Variants in SGK1 observed in about 807,000 individuals in gnomAD.
SGK1 encodes the protein serum/glucocorticoid regulated kinase 1.
Under a neutral mutation model 64.2 loss-of-function variants are expected in SGK1, and 26 were observed. The ratio of observed to expected loss-of-function variants is 0.40; its 90% CI spans 0.30 to 0.56. The LOEUF (loss-of-function observed/expected upper bound fraction) is 0.56. Ranked by LOEUF, SGK1 falls within the 20% of genes least tolerant of loss-of-function variation. The pLI is 0.38. For missense variants in SGK1, 519 were observed against 645.6 expected, an observed-to-expected ratio of 0.80 and a Z score of 2.12; for synonymous variants, 265 against 239.7, an observed-to-expected ratio of 1.11 and a Z score of -0.98.
chr6:134,249,111 C>A (rs748690110), intron 2 of SGK1, among the ~76,000 whole-genome samples: 1 of 152,118 alleles, frequency 6.6e-6, no homozygotes, highest in Non-Finnish European at 1.5e-5. Context: ...GCGTATTGTA[C>A]GAAATCTCAA....
At position 134,171,003 on chromosome 6, in the gene SGK1, G is replaced by A. The variant is rs2114628591; in HGVS notation, c.1323+20C>T. The A allele has an allele frequency of 6.2e-7, 1 of 1,613,904 alleles. No individual in the cohort carries two copies. Among genetic ancestry groups the A allele is most frequent in the Non-Finnish European group, 8.5e-7 (1 of 1,179,822 alleles). ...GTGCACGTCCCGGCCGGCCCAGGAG[G>A]ACAGGAAAACATCACTCACGAAGTC... On this transcript the variant is annotated intron_variant, in intron 12 of 13. Coordinates refer to ENST00000367858, the MANE Select transcript of SGK1 (RefSeq NM_001143676.3).
intron 1 of SGK1, among the ~76,000 whole-genome samples, chr6:134,292,541 C>T (rs1175147188): frequency 6.6e-6 from 1 of 151,604 alleles, no homozygotes; most frequent in African/African-American, 2.4e-5. Flanking sequence ...TGCAGTGAGC[C>T]GAGATTGCGC....
chr6:134,191,834 G>GTTTTTTTTTTTTTTTTTTTTTT (rs1491153978), intron 3 of SGK1, among the ~76,000 whole-genome samples: 2 of 17,318 alleles, frequency 1.2e-4, no homozygotes, highest in African/African-American at 1.7e-4. Flanking sequence ...ACGCCCGGCT[G>GTTTTTTTTTTTTTTTTTTTTTT]ATTTTTTTTT....
At chr6:134,221,930 G>A (rs1036328577) in intron 2 of SGK1, among the ~76,000 whole-genome samples, 1 of 152,172 alleles carries the variant, frequency 6.6e-6, no homozygotes, top group African/African-American at 2.4e-5. Context: ...TAGGATTACA[G>A]GTGTGAGCTA....
intron 1 of SGK1, among the ~76,000 whole-genome samples, chr6:134,274,430 A>G (rs1017306310): frequency 6.6e-6 from 1 of 152,182 alleles, no homozygotes; most frequent in African/African-American, 2.4e-5. Context: ...TAGCTTTGGG[A>G]ATGGAAAGGA....
chr6:134,279,548 T>G (rs1365619171), intron 1 of SGK1, among the ~76,000 whole-genome samples: 1 of 152,202 alleles, frequency 6.6e-6, no homozygotes, highest in East Asian at 1.9e-4. Flanking sequence ...TGTATTCTTT[T>G]AATAGATATC....
intron 1 of SGK1, among the ~76,000 whole-genome samples, chr6:134,296,295 C>T (rs765650069): frequency 2.6e-5 from 4 of 152,030 alleles, no homozygotes; most frequent in Admixed American, 6.6e-5. Context: ...TTTTTATAGG[C>T]GAGATATTGC....
chr6:134,176,878 G>C (rs1252659389), intron 3 of SGK1, among the ~76,000 whole-genome samples: 1 of 152,150 alleles, frequency 6.6e-6, no homozygotes, highest in Admixed American at 6.5e-5. Context: ...TCTCTCTCCT[G>C]GAGTCTGGCT....
At chr6:134,224,189 A>T (rs997328588) in intron 2 of SGK1, among the ~76,000 whole-genome samples, 1 of 152,250 alleles carries the variant, frequency 6.6e-6, no homozygotes, top group Non-Finnish European at 1.5e-5. Flanking sequence ...TGGCAGAGAT[A>T]CAGGGTTTTC....
chr6:134,313,590 T>A (rs1345855405), intron 1 of SGK1, among the ~76,000 whole-genome samples: 3 of 151,450 alleles, frequency 2.0e-5, no homozygotes, highest in Admixed American at 6.6e-5. Context: ...ACCCAAAACA[T>A]GAGTCCTGGC....
At chr6:134,264,465 A>G (rs970387743) in intron 1 of SGK1, among the ~76,000 whole-genome samples, 3 of 152,090 alleles carry the variant, frequency 2.0e-5, no homozygotes, top group African/African-American at 7.2e-5. Flanking sequence ...GTTAAGACTT[A>G]TGGTCACTGG....
chr6:134,184,904 C>T (rs566208109), intron 3 of SGK1, among the ~76,000 whole-genome samples: 1 of 152,232 alleles, frequency 6.6e-6, no homozygotes, highest in African/African-American at 2.4e-5. Context: ...AGGCTGGTCT[C>T]GAACTCCTGG....
chr6:134,230,153 T>C (rs1776254323), intron 2 of SGK1, among the ~76,000 whole-genome samples: 1 of 152,110 alleles, frequency 6.6e-6, no homozygotes, highest in Non-Finnish European at 1.5e-5. Context: ...CTTTACCCCT[T>C]GATGCTATGA....
chr6:134,239,295 T>TGA (rs2114722956), intron 2 of SGK1, among the ~76,000 whole-genome samples: 1 of 152,308 alleles, frequency 6.6e-6, no homozygotes, highest in East Asian at 1.9e-4. Flanking sequence ...TCTCAACTGG[T>TGA]GAGTGATCAA....
chr6:134,172,146 C>G (rs1368127417), intron 10 of SGK1, 47 bp downstream of exon 10: 1 of 1,603,968 alleles, frequency 6.2e-7, no homozygotes, highest in South Asian at 1.1e-5. Context: ...ACATCTCTCT[C>G]TTGGAAGGCG....
chr6:134,187,146 T>C (rs1253869366), intron 3 of SGK1, among the ~76,000 whole-genome samples: 4 of 152,148 alleles, frequency 2.6e-5, no homozygotes, highest in Non-Finnish European at 4.4e-5. Flanking sequence ...CATTGTGGAA[T>C]AGTAGTCCAA....
At chr6:134,220,405 T>C (rs1372246812) in intron 2 of SGK1, among the ~76,000 whole-genome samples, 2 of 152,218 alleles carry the variant, frequency 1.3e-5, no homozygotes, top group African/African-American at 4.8e-5. Context: ...ATATATGTTA[T>C]TTACAGTACA....
chr6:134,188,046 C>T (rs1166593767), intron 3 of SGK1, among the ~76,000 whole-genome samples: 1 of 152,192 alleles, frequency 6.6e-6, no homozygotes, highest in Admixed American at 6.5e-5. Flanking sequence ...GCATAACCTC[C>T]ATCCTTGCCA....
intron 2 of SGK1, among the ~76,000 whole-genome samples, chr6:134,218,959 A>G (rs1027581159): frequency 2.6e-5 from 4 of 152,032 alleles, no homozygotes; most frequent in African/African-American, 9.7e-5. Flanking sequence ...CAGCTTTTCA[A>G]TGTACTAAAA....
Sources: allele counts gnomAD v4.1 joint callset (sites outside exome capture counted in the v4.1 genomes callset), GRCh38; gene constraint gnomAD v4.1.1; transcripts MANE v1.5; gene names NCBI Gene and HGNC (gene_info 2026-07-23, HGNC 2026-07-21).